The following CGGBP1 variants were observed in gnomAD, a reference collection of about 807,000 sequenced individuals.
CGGBP1 encodes the protein CGG triplet repeat binding protein 1, also known as CGG triplet repeat-binding protein 1.
In CGGBP1, 4 loss-of-function variants were observed where a neutral mutation model predicts 11.4. The ratio of observed to expected loss-of-function variants is 0.35; its 90% CI spans 0.17 to 0.80. CGGBP1 has a LOEUF of 0.80. Ranked by LOEUF, CGGBP1 falls within the 30% of genes least tolerant of loss-of-function variation. CGGBP1 has a pLI of 0.52. For synonymous variants in CGGBP1, 76 were observed against 74.1 expected (o/e 1.03, Z -0.13); for missense variants, 135 against 202.1 (o/e 0.67, Z 2.01).
chr3:88,099,579 A>G (rs1248575113), intron 2 of CGGBP1, among the ~76,000 whole-genome samples: 3 of 152,230 alleles, frequency 2.0e-5, no homozygotes, highest in East Asian at 3.9e-4. Context: ...AAACTATACT[A>G]CAAGGCTACA....
intron 1 of CGGBP1, among the ~76,000 whole-genome samples, chr3:88,145,108 A>C (rs1445725775): frequency 6.6e-6 from 1 of 152,074 alleles, no homozygotes; most frequent in Non-Finnish European, 1.5e-5. Flanking sequence ...TTACAATATA[A>C]ATGATGATGA....
intron 2 of CGGBP1, among the ~76,000 whole-genome samples, chr3:88,072,418 G>A (rs1282816353): frequency 6.6e-6 from 1 of 152,056 alleles, no homozygotes; most frequent in Non-Finnish European, 1.5e-5. Flanking sequence ...GTACTGCAGG[G>A]CTCCATAATC....
chr3:88,143,905 C>T (rs1334184256), intron 1 of CGGBP1: 1 of 151,962 alleles, frequency 6.6e-6, no homozygotes, highest in Admixed American at 6.6e-5. Flanking sequence ...CATAAACCTA[C>T]ATCATTTTGC....
chr3:88,117,923 G>C (rs1019935220), intron 2 of CGGBP1, among the ~76,000 whole-genome samples: 16 of 143,820 alleles, frequency 1.1e-4, no homozygotes, highest in African/African-American at 4.1e-4. Flanking sequence ...GAACTTACCA[G>C]TACTATTGCC....
At position 88,055,582 on chromosome 3, in the gene CGGBP1, C is replaced by A. The variant is rs371413877; in HGVS notation, c.395G>T (p.Arg132Leu). Reference protein sequence around the residue: ...DHPAVRAFLSRHVKNGGSIPK... With the variant: ...DHPAVRAFLSLHVKNGGSIPK... ...TATGGAGCCTCCATTCTTCACATGG[C>A]GAGATAGGAAAGCACGGACTGCTGG... The change falls in exon 4 of 4, where the codon CGC becomes CTC. Residue 132 changes from arginine (R) to leucine (L), a missense_variant. Arg to Leu is a moderately radical substitution (Grantham distance 102). Transcript: ENST00000482016. This position sits in a 1 kb window ranked among gnomAD's most constrained non-coding sequence, Gnocchi z 4.2. 6 of 1,611,530 alleles carry A rather than the reference C, an allele frequency of 3.7e-6. No individual in the cohort carries two copies. Among genetic ancestry groups the A allele is most frequent in the Non-Finnish European group, 5.1e-6 (6 of 1,178,104 alleles).
At position 88,143,772 on chromosome 3, in the gene CGGBP1, A is replaced by G. The variant is rs561406461; in HGVS notation, c.-337-2694T>C. ...AGACTGAGATCAAACTGGTTTATAT[A>G]TAACTAAATCAAGGAATGTTTTATA... On this transcript the variant is annotated intron_variant, in intron 1 of 3. Coordinates refer to the CGGBP1 transcript ENST00000462901. 7 of 152,216 alleles carry G rather than the reference A, an allele frequency of 4.6e-5. No individual in the cohort carries two copies. In the South Asian group the frequency reaches 8.3e-4, roughly 18 times the overall value. 9.4% of individuals were successfully genotyped at this position (152,216 alleles called of 1,614,324 possible). A position where few individuals can be genotyped will look rare whatever the true frequency, so the allele number is the denominator to read the frequency against.
At chr3:88,140,052 C>G in intron 2 of CGGBP1, 2 of 1,613,702 alleles carry the variant, frequency 1.2e-6, no homozygotes, top group Non-Finnish European at 1.7e-6. Context: ...TTGTCAAAGG[C>G]AATTTGAAGA....
At chr3:88,144,992 T>C (rs1045299075) in intron 1 of CGGBP1, among the ~76,000 whole-genome samples, 2 of 152,054 alleles carry the variant, frequency 1.3e-5, no homozygotes, top group African/African-American at 2.4e-5. Flanking sequence ...GTCGGAACTC[T>C]CCGAAGTCAA....
chr3:88,065,487 A>T (rs1707144703), intron 2 of CGGBP1, among the ~76,000 whole-genome samples: 1 of 152,158 alleles, frequency 6.6e-6, no homozygotes, highest in African/African-American at 2.4e-5. Flanking sequence ...CATACGAGAA[A>T]CTGTTTATAG....
rs1036489009 is a variant in CGGBP1 at position 88,052,649 on chromosome 3, G to A, written c.*2824C>T. The A allele has an allele frequency of 6.6e-5, 10 of 152,316 alleles. No individual in the cohort carries two copies. Among genetic ancestry groups the A allele is most frequent in the Admixed American group, 6.5e-4 (10 of 15,280 alleles). 9.4% of individuals were successfully genotyped at this position (152,316 alleles called of 1,614,324 possible). A position where few individuals can be genotyped will look rare whatever the true frequency, so the allele number is the denominator to read the frequency against. ...TAATTGGTTACCATTATAAGATGCA[G>A]AACTTTTTAATGTTTTCTGGTCCCT... On this transcript the variant is annotated 3_prime_UTR_variant, in exon 4 of 4. Transcript: ENST00000482016.
chr3:88,087,592 C>G (rs1226930725), intron 2 of CGGBP1, among the ~76,000 whole-genome samples: 2 of 152,170 alleles, frequency 1.3e-5, no homozygotes, highest in Non-Finnish European at 2.9e-5. Context: ...GAGGAATGGT[C>G]ATTGCAACAC....
intron 2 of CGGBP1, chr3:88,095,544 T>G (rs1019850072): frequency 2.0e-6 from 1 of 509,904 alleles, no homozygotes; most frequent in African/African-American, 2.0e-5. Flanking sequence ...CAGGTCTGCT[T>G]CATCTGTCTT....
chr3:88,087,940 G>C (rs1708423106), intron 2 of CGGBP1, among the ~76,000 whole-genome samples: 1 of 152,084 alleles, frequency 6.6e-6, no homozygotes, highest in Non-Finnish European at 1.5e-5. Context: ...GATACTCAAA[G>C]GAAACGCTCA....
At chr3:88,122,355 T>TAATCCTATTA (rs1317143400) in intron 2 of CGGBP1, among the ~76,000 whole-genome samples, 3 of 152,190 alleles carry the variant, frequency 2.0e-5, no homozygotes, top group African/African-American at 4.8e-5. Context: ...ATTAAAGTGG[T>TAATCCTATTA]AAGACTTTCA....
At chr3:88,116,085 C>T (rs1705372071) in intron 2 of CGGBP1, among the ~76,000 whole-genome samples, 4 of 152,118 alleles carry the variant, frequency 2.6e-5, no homozygotes, top group Admixed American at 2.6e-4. Context: ...CTTGTAACAA[C>T]AAGGGCTGGA....
In CGGBP1 at chr3:88,058,097, C is replaced by T. The variant is rs1460959799; in HGVS notation, c.-204G>A. 1 of 152,188 alleles carries T rather than the reference C, an allele frequency of 6.6e-6. No individual in the cohort carries two copies. Among genetic ancestry groups the T allele is most frequent in the Non-Finnish European group, 1.5e-5 (1 of 68,042 alleles). 9.4% of individuals were successfully genotyped at this position (152,188 alleles called of 1,614,324 possible). A position where few individuals can be genotyped will look rare whatever the true frequency, so the allele number is the denominator to read the frequency against. On this transcript the variant is annotated 5_prime_UTR_variant, in exon 2 of 4. Coordinates refer to ENST00000482016, the MANE Select transcript of CGGBP1 (RefSeq NM_001008390.2). ...GAGCGAAACCAGAGACGCATCAAAT[C>T]CTGGCACTTTCCGTTTGTTCAACCC... is the stretch of plus-strand genomic sequence containing the variant.
chr3:88,090,340 T>G (rs1247604080), intron 2 of CGGBP1, among the ~76,000 whole-genome samples: 1 of 152,140 alleles, frequency 6.6e-6, no homozygotes, highest in Non-Finnish European at 1.5e-5. Flanking sequence ...AGAACTAGGC[T>G]GATCAGTATG....
At chr3:88,082,249 C>T (rs1354013027) in intron 2 of CGGBP1, among the ~76,000 whole-genome samples, 5 of 151,986 alleles carry the variant, frequency 3.3e-5, no homozygotes, top group African/African-American at 4.8e-5. Context: ...GCCTCAGCCT[C>T]CCAAGTAGCT....
At chr3:88,142,749 T>C (rs1707192790) in intron 1 of CGGBP1, 1 of 152,334 alleles carries the variant, frequency 6.6e-6, no homozygotes, top group Admixed American at 6.6e-5. Flanking sequence ...GTGATGACTC[T>C]GGTCTGAACA....
Sources: allele counts gnomAD v4.1 joint callset (sites outside exome capture counted in the v4.1 genomes callset), GRCh38; gene constraint gnomAD v4.1.1; non-coding constraint Gnocchi (gnomAD v3.1); transcripts MANE v1.5; gene names NCBI Gene and HGNC (gene_info 2026-07-23, HGNC 2026-07-21).